The following FAAH2 variants were observed in gnomAD, a reference collection of about 807,000 sequenced individuals.
FAAH2 encodes the protein fatty acid amide hydrolase 2.
FAAH2 carries 60 observed loss-of-function variants against 36.9 expected under a neutral mutation model. The observed-to-expected ratio is 1.63, with a 90% CI of 1.32 to 2.02. FAAH2 has a LOEUF of 2.02. Ranked by LOEUF, FAAH2 falls within the 30% of genes most tolerant of loss-of-function variation. The pLI, the probability that FAAH2 is intolerant of heterozygous loss-of-function variation, is 0.00. For synonymous variants in FAAH2, 214 were observed against 143.8 expected, an observed-to-expected ratio of 1.49 and a Z score of -3.49; for missense variants, 689 against 397.5, an observed-to-expected ratio of 1.73 and a Z score of -6.23.
the FAAH2 span, among the ~76,000 whole-genome samples, chrX:57,187,624 G>A: frequency 2.7e-5 from 3 of 111,254 alleles, no homozygotes; most frequent in African/African-American, 9.8e-5. Context: ...CAGTGAGAGA[G>A]GGCGTCCTTA....
At chrX:57,377,879 C>T (rs1043362366) in intron 5 of FAAH2, among the ~76,000 whole-genome samples, 5 of 111,542 alleles carry the variant, frequency 4.5e-5, no homozygotes, top group African/African-American at 6.5e-5. Context: ...AAGTTGTATT[C>T]GTAGATATTT....
intron 4 of FAAH2, among the ~76,000 whole-genome samples, chrX:57,335,139 TAACA>T (rs1408028134): frequency 2.7e-5 from 3 of 110,410 alleles, no homozygotes; most frequent in Non-Finnish European, 3.8e-5. Flanking sequence ...ACTTAAATCA[TAACA>T]AACAGTCTCT....
the FAAH2 span, among the ~76,000 whole-genome samples, chrX:57,216,590 A>ATG: frequency 5.2e-5 from 2 of 38,821 alleles, no homozygotes; most frequent in Non-Finnish European, 9.3e-5. Flanking sequence ...ATGTATATGT[A>ATG]TATATATGTA....
chrX:57,269,026 T>C, the FAAH2 span, among the ~76,000 whole-genome samples: 6 of 110,713 alleles, frequency 5.4e-5, no homozygotes, highest in African/African-American at 1.6e-4. Flanking sequence ...TAGGCTCAAA[T>C]AAAAGGAGGA....
the FAAH2 span, among the ~76,000 whole-genome samples, chrX:57,177,901 T>G: frequency 9.1e-6 from 1 of 110,437 alleles, no homozygotes; most frequent in Non-Finnish European, 1.9e-5. Context: ...GCCTGCAGTC[T>G]GTTTATTTTC....
intron 3 of FAAH2, among the ~76,000 whole-genome samples, chrX:57,327,538 C>A (rs2146980125): frequency 9.1e-6 from 1 of 110,029 alleles, no homozygotes; most frequent in Non-Finnish European, 1.9e-5. Context: ...TGGTTCATTT[C>A]TTTTTATTCC....
At chrX:57,480,176 C>A (rs1356960656) in intron 10 of FAAH2, among the ~76,000 whole-genome samples, 1 of 111,265 alleles carries the variant, frequency 9.0e-6, no homozygotes, top group Admixed American at 9.6e-5. Context: ...CGAATTCTAC[C>A]AGAGGTACAG....
At chrX:57,374,939 A>T (rs1311987156) in intron 5 of FAAH2, among the ~76,000 whole-genome samples, 1 of 111,550 alleles carries the variant, frequency 9.0e-6, no homozygotes, top group African/African-American at 3.3e-5. Context: ...ATTTTGTCAG[A>T]TGCTTTTCTG....
chrX:57,371,775 A>C (rs1426040330), intron 5 of FAAH2, among the ~76,000 whole-genome samples: 1 of 111,539 alleles, frequency 9.0e-6, no homozygotes, highest in Non-Finnish European at 1.9e-5. Flanking sequence ...AGTATCTGAT[A>C]GGTTTTCACC....
chrX:57,482,327 C>G (rs1334112187), intron 10 of FAAH2, among the ~76,000 whole-genome samples: 1 of 111,703 alleles, frequency 9.0e-6, no homozygotes, highest in Non-Finnish European at 1.9e-5. Context: ...CTGCAGCTAT[C>G]TCAGTGTCAA....
chrX:57,167,087 G>A, the FAAH2 span, among the ~76,000 whole-genome samples: 13 of 111,602 alleles, frequency 1.2e-4, no homozygotes, highest in Non-Finnish European at 2.4e-4. Context: ...TGTTGGGATG[G>A]GTGCCCTAAT....
chrX:57,474,622 G>C (rs1298492582), intron 10 of FAAH2, among the ~76,000 whole-genome samples: 2 of 111,545 alleles, frequency 1.8e-5, no homozygotes, highest in South Asian at 7.5e-4. Context: ...TTGACATTTG[G>C]GTTAGTTCCA....
intron 10 of FAAH2, among the ~76,000 whole-genome samples, chrX:57,476,006 G>C (rs1236493621): frequency 1.8e-5 from 2 of 111,271 alleles, no homozygotes; most frequent in African/African-American, 3.3e-5. Context: ...TCTATTGTTT[G>C]TGTATAGGAA....
chrX:57,123,063 T>A, the FAAH2 span, among the ~76,000 whole-genome samples: 1 of 111,413 alleles, frequency 9.0e-6, no homozygotes, highest in Non-Finnish European at 1.9e-5. Flanking sequence ...GCAGGTTAGT[T>A]ACATGTGTAT....
chrX:57,416,283 T>A (rs1264106660), intron 7 of FAAH2, among the ~76,000 whole-genome samples: 1 of 111,607 alleles, frequency 9.0e-6, no homozygotes, highest in Non-Finnish European at 1.9e-5. Flanking sequence ...AGCTAGCTGG[T>A]TATTTTGCTC....
chrX:57,206,364 T>C, the FAAH2 span, among the ~76,000 whole-genome samples: 1 of 112,166 alleles, frequency 8.9e-6, no homozygotes, highest in Non-Finnish European at 1.9e-5. Flanking sequence ...AGTCCCTAAG[T>C]AGGAGTAAGG....
chrX:57,324,919 G>C (rs1486288236), intron 3 of FAAH2, among the ~76,000 whole-genome samples: 1 of 112,146 alleles, frequency 8.9e-6, no homozygotes, highest in Non-Finnish European at 1.9e-5. Flanking sequence ...TCTTGTGCCA[G>C]TTTCCAAAGG....
chrX:57,421,552 G>C (rs1414520040), intron 7 of FAAH2, among the ~76,000 whole-genome samples: 1 of 111,631 alleles, frequency 9.0e-6, no homozygotes, highest in African/African-American at 3.3e-5. Context: ...TTCTCACAAG[G>C]CTCAGGGAAA....
the FAAH2 span, among the ~76,000 whole-genome samples, chrX:57,143,072 G>T: frequency 9.0e-6 from 1 of 111,109 alleles, no homozygotes; most frequent in Non-Finnish European, 1.9e-5. Context: ...AGCCACTCTA[G>T]GTCTTTTGAT....
Sources: allele counts gnomAD v4.1 joint callset (sites outside exome capture counted in the v4.1 genomes callset), GRCh38; gene constraint gnomAD v4.1.1; transcripts MANE v1.5; gene names NCBI Gene and HGNC (gene_info 2026-07-23, HGNC 2026-07-21).